Variants in MCTP1 observed in about 807,000 individuals in gnomAD.
MCTP1 encodes multiple C2 and transmembrane domain-containing protein 1.
Under a neutral mutation model 120.6 loss-of-function variants are expected in MCTP1, and 69 were observed. The observed-to-expected ratio is 0.57, with a 90% CI of 0.47 to 0.70. The LOEUF (loss-of-function observed/expected upper bound fraction) is 0.70, where lower values mean the gene tolerates loss of function less well. Among genes scored for constraint, MCTP1 ranks in the 30% least tolerant of loss-of-function variants. MCTP1 has a pLI of 0.00. For missense variants in MCTP1, 1,203 were observed against 1,248.8 expected (o/e 0.96, Z 0.55); for synonymous variants, 529 against 493.1 (o/e 1.07, Z -0.96).
intron 19 of MCTP1, among the ~76,000 whole-genome samples, chr5:94,726,391 A>C (rs1762138091): frequency 1.3e-5 from 2 of 152,238 alleles, no homozygotes; most frequent in Admixed American, 1.3e-4. Context: ...TATCAGAATC[A>C]GCTGTTCTTC....
intron 1 of MCTP1, among the ~76,000 whole-genome samples, chr5:95,216,772 C>A (rs534339917): frequency 6.6e-6 from 1 of 152,294 alleles, no homozygotes; most frequent in Non-Finnish European, 1.5e-5. Flanking sequence ...TGGCAACAAG[C>A]AAACAGATAC....
chr5:94,974,470 G>A (rs1034012937), intron 2 of MCTP1, among the ~76,000 whole-genome samples: 21 of 152,096 alleles, frequency 1.4e-4, no homozygotes, highest in African/African-American at 4.6e-4. Context: ...GACTGTTTGA[G>A]TCTAGGAGTT....
intron 1 of MCTP1, among the ~76,000 whole-genome samples, chr5:95,046,412 A>G (rs1843154578): frequency 6.6e-6 from 1 of 152,202 alleles, no homozygotes; most frequent in South Asian, 2.1e-4. Context: ...GCTCTTAGAA[A>G]TAAATGTTTC....
Position 94,799,124 on chromosome 5 carries a change from G to T in MCTP1, c.2445C>A (p.Leu815=). 1.2e-6 allele frequency: 2 copies of T among 1,611,270 alleles called. No individual in the cohort carries two copies. Among genetic ancestry groups the T allele is most frequent in the South Asian group, 2.2e-5 (2 of 90,838 alleles). ...PRSLAAFVLF[L]FVVWNFELYM... is the part of the protein sequence containing the mutation. ...AGAGCTCAAAGTTCCAGACAACAAAGAGAAAGAGCTGGAGGAGATAGAAGA... is the reference window on the plus strand; with the variant it reads ...AGAGCTCAAAGTTCCAGACAACAAATAGAAAGAGCTGGAGGAGATAGAAGA... Residue 815 remains leucine (L), a synonymous_variant, in exon 18 of 23, where the codon CTC becomes CTA. Transcript: ENST00000515393.
At chr5:95,228,215 G>GAAC (rs541366010) in intron 1 of MCTP1, among the ~76,000 whole-genome samples, 1 of 151,980 alleles carries the variant, frequency 6.6e-6, no homozygotes, top group Non-Finnish European at 1.5e-5. Flanking sequence ...AAAAGAACAA[G>GAAC]AACAACAACA....
chr5:94,916,595 A>C (rs1328929544), intron 8 of MCTP1, among the ~76,000 whole-genome samples: 1 of 152,216 alleles, frequency 6.6e-6, no homozygotes, highest in Non-Finnish European at 1.5e-5. Flanking sequence ...GCAGAATACC[A>C]CGGCAAAAAG....
intron 2 of MCTP1, among the ~76,000 whole-genome samples, chr5:94,990,397 C>A (rs1023003566): frequency 6.6e-6 from 1 of 152,192 alleles, no homozygotes; most frequent in Non-Finnish European, 1.5e-5. Context: ...TTGGCCCAGG[C>A]TCATTCAGGT....
intron 17 of MCTP1, among the ~76,000 whole-genome samples, chr5:94,848,652 A>G (rs778921220): frequency 2.6e-4 from 40 of 152,092 alleles, no homozygotes; most frequent in Non-Finnish European, 4.4e-4. Flanking sequence ...TCAGAAAAGT[A>G]ATTAGTTGAA....
At chr5:95,080,645 T>A (rs1180816475) in intron 1 of MCTP1, among the ~76,000 whole-genome samples, 1 of 152,182 alleles carries the variant, frequency 6.6e-6, no homozygotes, top group African/African-American at 2.4e-5. Flanking sequence ...AAACACTGAT[T>A]TGATGTTATT....
intron 1 of MCTP1, among the ~76,000 whole-genome samples, chr5:95,134,970 C>T (rs925661095): frequency 4.4e-4 from 49 of 112,086 alleles, no homozygotes; most frequent in Admixed American, 1.1e-3. Flanking sequence ...TCAAGGATCT[C>T]GATTTACTGT....
chr5:95,053,037 A>C (rs13185009), intron 1 of MCTP1, among the ~76,000 whole-genome samples: 7,670 of 152,300 alleles, frequency 0.05, 273 homozygotes, highest in South Asian at 0.13. Flanking sequence ...TCAATACTAA[A>C]ATAAGTCTGT....
chr5:95,058,804 G>C (rs1164933782), intron 1 of MCTP1, among the ~76,000 whole-genome samples: 1 of 151,992 alleles, frequency 6.6e-6, no homozygotes, highest in Non-Finnish European at 1.5e-5. Context: ...TGCAAACAGG[G>C]TTTTCAGGGG....
At chr5:94,869,081 C>T (rs1476813956) in intron 16 of MCTP1, among the ~76,000 whole-genome samples, 3 of 151,526 alleles carry the variant, frequency 2.0e-5, no homozygotes, top group Admixed American at 1.3e-4. Context: ...TAACCGAGTG[C>T]TTTACAAAAT....
intron 1 of MCTP1, among the ~76,000 whole-genome samples, chr5:95,053,398 G>A (rs974022976): frequency 1.3e-5 from 2 of 152,248 alleles, no homozygotes; most frequent in Non-Finnish European, 2.9e-5. Flanking sequence ...CATGAGCTTC[G>A]GGATTCTTTT....
chr5:94,832,703 C>G (rs77760575), intron 17 of MCTP1, among the ~76,000 whole-genome samples: 5,362 of 151,844 alleles, frequency 0.035, 325 homozygotes, highest in African/African-American at 0.12. Flanking sequence ...GTGAGCACTA[C>G]CTTAAATTCC....
rs140741356 is a variant in MCTP1 at position 95,001,760 on chromosome 5, T to C, written c.838+15607A>G. ...AAAGTTTGGAAAATTTGCAGCCTGA[T>C]GATGCCATAGAAAAGAAAAAATCAT... On this transcript the variant is annotated intron_variant, in intron 2 of 22. Coordinates refer to ENST00000515393, the MANE Select transcript of MCTP1 (RefSeq NM_024717.7). Among the ~76,000 whole-genome samples the C allele has an allele frequency of 7.6e-4, 116 of 152,262 alleles. 1 individual carries two copies. Among genetic ancestry groups the C allele is most frequent in the Middle Eastern group, 3.4e-3 (1 of 294 alleles).
chr5:94,989,986 C>CAGTAACAGCATGTAATAATAAACAGCA (rs1281477397), intron 2 of MCTP1, among the ~76,000 whole-genome samples: 2 of 152,100 alleles, frequency 1.3e-5, no homozygotes, highest in Non-Finnish European at 2.9e-5. Context: ...GAGTTGTATC[C>CAGTAACAGCATGTAATAATAAACAGCA]TTTATAATAA....
At chr5:94,940,493 A>G (rs552637749) in intron 4 of MCTP1, among the ~76,000 whole-genome samples, 170 of 148,852 alleles carry the variant, frequency 1.1e-3, no homozygotes, top group South Asian at 3.2e-3. Flanking sequence ...TATGCTCTCT[A>G]AACCCACAGA....
chr5:95,208,878 C>A (rs756272035), intron 1 of MCTP1, among the ~76,000 whole-genome samples: 1 of 152,280 alleles, frequency 6.6e-6, no homozygotes, highest in Middle Eastern at 3.4e-3. Flanking sequence ...AATTTTCAAT[C>A]CACTTTTCTA....
Sources: gnomAD v4.1 joint callset for allele counts (sites outside exome capture counted in the v4.1 genomes callset) on GRCh38, gnomAD v4.1.1 for gene constraint, MANE v1.5 for transcripts, NCBI Gene and HGNC (gene_info 2026-07-23, HGNC 2026-07-21) for gene names.